SPOCK3: variants seen among roughly 807,000 people sequenced by gnomAD.
SPOCK3 encodes SPARC (osteonectin), cwcv and kazal like domains proteoglycan 3.
SPOCK3 carries 30 observed loss-of-function variants against 56.6 expected under a neutral mutation model. That is an observed-to-expected ratio of 0.53 (90% CI 0.40 to 0.72). The LOEUF is 0.72. SPOCK3 is among the 30% of genes least tolerant of loss of function. SPOCK3 has a pLI of 0.00. For missense variants in SPOCK3, 527 were observed against 530.0 expected (o/e 0.99, Z 0.06); for synonymous variants, 196 against 183.3 (o/e 1.07, Z -0.56).
chr4:166,936,754 A>G (rs1261238700), intron 4 of SPOCK3, among the ~76,000 whole-genome samples: 1 of 152,014 alleles, frequency 6.6e-6, no homozygotes, highest in Admixed American at 6.6e-5. Flanking sequence ...TTTAGTTTTA[A>G]TGACTGATTC....
At chr4:167,174,877 CT>C (rs898454064) in intron 2 of SPOCK3, among the ~76,000 whole-genome samples, 27 of 150,268 alleles carry the variant, frequency 1.8e-4, no homozygotes, top group African/African-American at 4.4e-4. Flanking sequence ...AGAAACTAAT[CT>C]TTTTTTTTTC....
chr4:167,056,877 G>A (rs1018713285), intron 3 of SPOCK3, among the ~76,000 whole-genome samples: 3 of 152,164 alleles, frequency 2.0e-5, no homozygotes, highest in African/African-American at 7.2e-5. Context: ...ATATTATCCA[G>A]GAGAACTTCC....
intron 5 of SPOCK3, among the ~76,000 whole-genome samples, chr4:166,896,467 T>A (rs911167183): frequency 1.3e-4 from 20 of 152,006 alleles, no homozygotes; most frequent in African/African-American, 2.4e-5. Context: ...GCCACCGAGG[T>A]GCATGCTTAA....
At chr4:167,071,341 T>C (rs1288759512) in intron 2 of SPOCK3, among the ~76,000 whole-genome samples, 1 of 152,050 alleles carries the variant, frequency 6.6e-6, no homozygotes, top group East Asian at 1.9e-4. Context: ...GCTGCACCCA[T>C]CAACTCGTCG....
chr4:167,054,126 G>C (rs1005738136), intron 3 of SPOCK3, among the ~76,000 whole-genome samples: 1 of 152,086 alleles, frequency 6.6e-6, no homozygotes, highest in Admixed American at 6.5e-5. Context: ...TTTATCGTGT[G>C]CTGGAGAAAA....
At chr4:167,184,980 G>A (rs965785277) in intron 2 of SPOCK3, among the ~76,000 whole-genome samples, 9 of 152,140 alleles carry the variant, frequency 5.9e-5, no homozygotes, top group Admixed American at 3.9e-4. Context: ...AAAACCCCCT[G>A]CCCCTCCCTA....
rs1204163661 is a variant in SPOCK3, at chr4:166,975,505, C to A, written c.350+24844G>T. On this transcript the variant is annotated intron_variant, in intron 4 of 10. Transcript: ENST00000357545. ...AAGCATTTATCATTTCTTTGTGTTA[C>A]ATTCCAGCTATAATTTTAGTTATTT... Among the ~76,000 whole-genome samples, 6 of 152,274 alleles carry A rather than the reference C, an allele frequency of 3.9e-5. No homozygotes were observed. The East Asian group carries it at 1.2e-3, about 29-fold the overall frequency.
intron 6 of SPOCK3, among the ~76,000 whole-genome samples, chr4:166,799,389 G>C (rs1311902703): frequency 6.6e-6 from 1 of 152,084 alleles, no homozygotes; most frequent in Non-Finnish European, 1.5e-5. Context: ...ATGGATCAAG[G>C]AGTAACAGCA....
intron 3 of SPOCK3, among the ~76,000 whole-genome samples, chr4:167,033,700 T>A (rs1413839446): frequency 1.3e-5 from 2 of 152,038 alleles, no homozygotes; most frequent in Non-Finnish European, 2.9e-5. Flanking sequence ...CAGGGAATCT[T>A]CCTTGCCTGC....
intron 2 of SPOCK3, among the ~76,000 whole-genome samples, chr4:167,105,577 AATC>A (rs1760051240): frequency 6.6e-6 from 1 of 151,700 alleles, no homozygotes; most frequent in Non-Finnish European, 1.5e-5. Flanking sequence ...GAAAAAAAAA[AATC>A]ACAAAATGGC....
At chr4:166,764,337 C>T (rs7694474) in intron 7 of SPOCK3, among the ~76,000 whole-genome samples, 50,062 of 151,642 alleles carry the variant, frequency 0.33, 8,436 homozygotes, top group Admixed American at 0.42. Flanking sequence ...CTTTCCCTCC[C>T]CCCTCTCCCC....
intron 2 of SPOCK3, among the ~76,000 whole-genome samples, chr4:167,149,463 C>G (rs1018113725): frequency 2.0e-5 from 3 of 152,064 alleles, no homozygotes; most frequent in African/African-American, 7.2e-5. Context: ...AAGAAGTATG[C>G]CAATGGGATA....
Position 166,748,314 on chromosome 4 carries a change from C to A in SPOCK3, c.931+6194G>T, listed in dbSNP as rs112794099. 1.1e-4 allele frequency among the ~76,000 whole-genome samples: 15 copies of A among 136,572 alleles called. 3 individuals are homozygous for A. In the South Asian group the frequency reaches 3.3e-3, roughly 30 times the overall value. The allele number at this position is 136,572 out of a possible 152,430, so 89.6% of individuals were successfully genotyped here. A position where few individuals can be genotyped will look rare whatever the true frequency, so the allele number is the denominator to read the frequency against. ...TATAGACCAGTGGAACAGAACAGAG[C>A]CCTCAGAAATAATACCACACATCTA... On this transcript the variant is annotated intron_variant, in intron 8 of 10. Transcript: ENST00000357545.
At chr4:166,982,107 T>C (rs957112088) in intron 4 of SPOCK3, among the ~76,000 whole-genome samples, 1 of 152,148 alleles carries the variant, frequency 6.6e-6, no homozygotes, top group Non-Finnish European at 1.5e-5. Context: ...CCCGCCCTGC[T>C]GAACCAGCAG....
chr4:167,013,762 G>C (rs1424041072), intron 3 of SPOCK3, among the ~76,000 whole-genome samples: 1 of 151,904 alleles, frequency 6.6e-6, no homozygotes, highest in African/African-American at 2.4e-5. Context: ...TTTTGGCTTT[G>C]GCTTGATAAA....
intron 6 of SPOCK3, among the ~76,000 whole-genome samples, chr4:166,830,141 C>T (rs981259688): frequency 2.6e-5 from 4 of 152,090 alleles, no homozygotes; most frequent in Middle Eastern, 3.2e-3. Context: ...CTATGGTTTG[C>T]GTATCCTAAT....
Position 166,754,745 on chromosome 4 carries a change from AG to A in SPOCK3, c.710-17del, listed in dbSNP as rs1560823808. The A allele has an allele frequency of 1.2e-6, 2 of 1,612,324 alleles. No individual in the cohort carries two copies. Among genetic ancestry groups the A allele is most frequent in the East Asian group, 2.2e-5 (1 of 44,808 alleles). ...GTATCGAATCCTAAAGGCAAAAAAAAGAAAATGATTAGTTAAATATGAAAGA... is the reference window on the plus strand; with the variant it reads ...GTATCGAATCCTAAAGGCAAAAAAAAAAAATGATTAGTTAAATATGAAAGA... On this transcript the variant is annotated splice_polypyrimidine_tract_variant and intron_variant, in intron 7 of 10. Coordinates refer to ENST00000357545, the MANE Select transcript of SPOCK3 (RefSeq NM_001040159.2).
intron 3 of SPOCK3, 65 bp from the exon 4 acceptor site, chr4:167,000,528 AAACAC>A: frequency 1.3e-6 from 1 of 760,152 alleles, no homozygotes; most frequent in Non-Finnish European, 2.2e-6. Context: ...AAATCCCATC[AAACAC>A]AATTTGATCA....
At chr4:167,162,006 G>A (rs982027950) in intron 2 of SPOCK3, among the ~76,000 whole-genome samples, 13 of 151,774 alleles carry the variant, frequency 8.6e-5, no homozygotes, top group Non-Finnish European at 8.8e-5. Context: ...AAACCTGCAC[G>A]TTGTGCACAT....
Sources: gnomAD v4.1 joint callset for allele counts (sites outside exome capture counted in the v4.1 genomes callset) on GRCh38, gnomAD v4.1.1 for gene constraint, MANE v1.5 for transcripts, NCBI Gene and HGNC (gene_info 2026-07-23, HGNC 2026-07-21) for gene names.